The following NFASC variants were observed in gnomAD, a reference collection of about 807,000 sequenced individuals.
NFASC encodes neurofascin.
NFASC carries 43 observed loss-of-function variants against 147.5 expected under a neutral mutation model. The ratio of observed to expected loss-of-function variants is 0.29; its 90% CI spans 0.23 to 0.38. The LOEUF is 0.38. Among genes scored for constraint, NFASC ranks in the 10% least tolerant of loss-of-function variants. The probability of loss-of-function intolerance (pLI) is 1.00; values close to 1 mark genes in which losing one functional copy is unlikely to be tolerated. For missense variants in NFASC, 1,320 were observed against 1,689.0 expected, an observed-to-expected ratio of 0.78 and a Z score of 3.83; for synonymous variants, 622 against 665.5, an observed-to-expected ratio of 0.93 and a Z score of 1.01.
chr1:204,915,456 G>A (rs2088981964), intron 1 of NFASC, among the ~76,000 whole-genome samples: 1 of 151,896 alleles, frequency 6.6e-6, no homozygotes. Context: ...TCTCTGGGAG[G>A]GTATACAACA....
intron 1 of NFASC, among the ~76,000 whole-genome samples, chr1:204,915,648 A>T (rs1368088782): frequency 1.3e-5 from 2 of 152,202 alleles, no homozygotes; most frequent in African/African-American, 2.4e-5. Context: ...TAATTTTTTA[A>T]ATGTTTAAGT....
rs557261573 is a variant in NFASC, at chr1:204,921,786, A to G, written c.-91+1046A>G. ...AAGAGCCCTGCAGAGTGCCTGGCTC[A>G]TTTAATCAATGAGGGTTATTATGAT... On this transcript the variant is annotated intron_variant, in intron 2 of 29. Transcript: ENST00000339876. 1.7e-4 allele frequency among the ~76,000 whole-genome samples: 26 copies of G among 152,330 alleles called. 1 individual carries two copies. The South Asian group carries it at 5.0e-3, about 29-fold the overall frequency.
chr1:204,840,960 G>A (rs1285543017), intron 1 of NFASC, among the ~76,000 whole-genome samples: 1 of 152,218 alleles, frequency 6.6e-6, no homozygotes, highest in Non-Finnish European at 1.5e-5. Flanking sequence ...AGTAATCGTA[G>A]AGAAGTGGTC....
At chr1:204,974,158 T>C in intron 12 of NFASC, 21 bp from the exon 13 acceptor site, 1 of 1,603,150 alleles carries the variant, frequency 6.2e-7, no homozygotes. Flanking sequence ...GCACTCGAGA[T>C]TGCTTCTCTG....
At position 204,881,893 on chromosome 1, in the gene NFASC, T is replaced by C. The variant is rs149416890; in HGVS notation, c.-199-38739T>C. 3.9e-5 allele frequency among the ~76,000 whole-genome samples: 6 copies of C among 152,198 alleles called. No individual in the cohort carries two copies. In the East Asian group the frequency reaches 9.6e-4, roughly 24 times the overall value. ...TGATCACCCTTGATATCTGACTAGG[T>C]TCCTCATCCTCCACCACTCCCCAGG... On this transcript the variant is annotated intron_variant, in intron 1 of 29. Coordinates refer to ENST00000339876, the MANE Select transcript of NFASC (RefSeq NM_001005388.3).
intron 24 of NFASC, 135 bp from the exon 25 acceptor site, chr1:204,997,035 G>C: frequency 7.2e-7 from 1 of 1,381,444 alleles, no homozygotes. Flanking sequence ...GACCCAGTCC[G>C]TTATGCTTGG....
At chr1:205,000,018 A>G (rs1377313477) in intron 25 of NFASC, 1 of 152,220 alleles carries the variant, frequency 6.6e-6, no homozygotes, top group African/African-American at 2.4e-5. Context: ...ACGTTTGAAG[A>G]TTAGTGCCAT....
chr1:204,866,271 G>T (rs1192592932), intron 1 of NFASC, among the ~76,000 whole-genome samples: 1 of 152,180 alleles, frequency 6.6e-6, no homozygotes, highest in Non-Finnish European at 1.5e-5. Context: ...CTTGGGATTT[G>T]GAGTGTGTGC....
intron 1 of NFASC, among the ~76,000 whole-genome samples, chr1:204,903,169 C>T (rs985776278): frequency 6.6e-6 from 1 of 152,210 alleles, no homozygotes; most frequent in African/African-American, 2.4e-5. Flanking sequence ...CTGTCCTCAG[C>T]ACTTACAAAT....
chr1:204,841,993 T>TA (rs1348225513), intron 1 of NFASC, among the ~76,000 whole-genome samples: 1 of 152,196 alleles, frequency 6.6e-6, no homozygotes. Context: ...TCTGACCAGT[T>TA]AGCGGGTGGA....
intron 27 of NFASC, 116 bp downstream of exon 27, chr1:205,002,864 C>G: frequency 1.3e-6 from 1 of 786,698 alleles, no homozygotes; most frequent in Non-Finnish European, 1.8e-6. Context: ...CCCCATTTCC[C>G]ACCTTGCATG....
intron 19 of NFASC, 124 bp from the exon 20 acceptor site, chr1:204,980,246 A>T (rs2095485830): frequency 1.3e-6 from 1 of 749,764 alleles, no homozygotes; most frequent in Admixed American, 2.0e-5. Flanking sequence ...GACCAAGCGT[A>T]TACATAGATG....
In NFASC at chr1:204,974,688, G is replaced by A; in HGVS notation, c.1423G>A (p.Gly475Ser). 1 of 1,614,212 alleles carries A rather than the reference G, an allele frequency of 6.2e-7. No individual in the cohort carries two copies. The highest frequency in any genetic ancestry group is 8.5e-7 in the Non-Finnish European group (1 of 1,180,036). Reference sequence around the variant, plus strand: ...GAATGGGCAAGGAAGCAACCTGGATGGTGGCAACTACCATGTTTATGAGAA... The same window carrying A: ...GAATGGGCAAGGAAGCAACCTGGATAGTGGCAACTACCATGTTTATGAGAA... ...FKNGQGSNLD[G>S]GNYHVYENGS... The change falls in exon 14 of 30, where the codon GGT (glycine) becomes AGT (serine). Residue 475 changes from glycine (G) to serine (S), a missense_variant. By Grantham distance (56) the Gly-to-Ser change is moderately conservative. This residue lies in a region of NFASC where 981 missense variants were observed against 1,289.5 expected (regional missense o/e 0.76). Transcript: ENST00000339876.
chr1:204,919,362 T>C (rs1256644613), intron 1 of NFASC, among the ~76,000 whole-genome samples: 2 of 152,190 alleles, frequency 1.3e-5, no homozygotes, highest in Non-Finnish European at 2.9e-5. Context: ...TGCTTCATCA[T>C]TTTATTGTCT....
Position 205,015,733 on chromosome 1 carries a change from A to G in NFASC, c.3492-575A>G, listed in dbSNP as rs1574561125. Among the ~76,000 whole-genome samples, 1 of 152,114 alleles carries G rather than the reference A, an allele frequency of 6.6e-6. No individual in the cohort carries two copies. Among genetic ancestry groups the G allele is most frequent in the African/African-American group, 2.4e-5 (1 of 41,426 alleles). On this transcript the variant is annotated intron_variant, in intron 29 of 29. Coordinates refer to ENST00000339876, the MANE Select transcript of NFASC (RefSeq NM_001005388.3). The surrounding 1 kb of genome is among the most constrained non-coding windows in gnomAD (Gnocchi z 4.0). ...GCCCAAAGCAATAACATCTTTTTAT[A>G]GATCAACCAGATAGCTCAGCGAAAG...
chr1:204,841,966 A>G (rs1675493419), intron 1 of NFASC, among the ~76,000 whole-genome samples: 1 of 152,196 alleles, frequency 6.6e-6, no homozygotes, highest in South Asian at 2.1e-4. Flanking sequence ...GGAAACAGGA[A>G]GGGTTGATTT....
At chr1:204,909,921 T>A (rs568958879) in intron 1 of NFASC, among the ~76,000 whole-genome samples, 23 of 152,188 alleles carry the variant, frequency 1.5e-4, no homozygotes, top group Middle Eastern at 3.4e-3. Context: ...GTTTTTTTTT[T>A]AATTATGTTC....
intron 1 of NFASC, among the ~76,000 whole-genome samples, chr1:204,841,288 C>T (rs1039113751): frequency 2.6e-5 from 4 of 152,230 alleles, no homozygotes; most frequent in African/African-American, 9.7e-5. Context: ...CCCCACATAG[C>T]ACATGGGTGT....
chr1:205,013,370 G>A (rs2096286891), intron 29 of NFASC, among the ~76,000 whole-genome samples: 1 of 152,122 alleles, frequency 6.6e-6, no homozygotes, highest in South Asian at 2.1e-4. Flanking sequence ...GTTTCTCCTT[G>A]AACTTGGCGA....
Sources: allele counts gnomAD v4.1 joint callset (sites outside exome capture counted in the v4.1 genomes callset), GRCh38; gene constraint gnomAD v4.1.1; regional missense constraint gnomAD v4.1.1; non-coding constraint Gnocchi (gnomAD v3.1); transcripts MANE v1.5; gene names NCBI Gene and HGNC (gene_info 2026-07-23, HGNC 2026-07-21).